Variants in NPNT observed in about 807,000 individuals in gnomAD.
The protein encoded by NPNT is preosteoblast EGF-like repeat protein with MAM domain.
In NPNT, 45 loss-of-function variants were observed where a neutral mutation model predicts 68.6. The ratio of observed to expected loss-of-function variants is 0.66; its 90% CI spans 0.52 to 0.84. The LOEUF (loss-of-function observed/expected upper bound fraction) is 0.84, where lower values mean the gene tolerates loss of function less well. Among genes scored for constraint, NPNT ranks in the 40% least tolerant of loss-of-function variants. The pLI is 0.00. For missense variants in NPNT, 672 were observed against 714.8 expected (o/e 0.94, Z 0.68); for synonymous variants, 233 against 253.3 (o/e 0.92, Z 0.76).
intron 2 of NPNT, chr4:105,912,489 A>G (rs1162810313): frequency 2.1e-6 from 1 of 485,906 alleles, no homozygotes; most frequent in Non-Finnish European, 3.1e-6. Context: ...TATGAATCTA[A>G]TAAATTGACC....
intron 2 of NPNT, among the ~76,000 whole-genome samples, chr4:105,926,071 G>A (rs1341120699): frequency 6.6e-6 from 1 of 152,032 alleles, no homozygotes; most frequent in Admixed American, 6.6e-5. Context: ...CTAAACAGCG[G>A]CTTACTTGCC....
chr4:105,931,753 T>G (rs749826634), intron 3 of NPNT, among the ~76,000 whole-genome samples: 7 of 150,110 alleles, frequency 4.7e-5, no homozygotes, highest in Non-Finnish European at 7.4e-5. Flanking sequence ...GGCAGGAGAA[T>G]GGTGTGAACG....
Position 105,944,430 on chromosome 4 carries a change from A to G in NPNT, c.1159+1728A>G, listed in dbSNP as rs145248427. ...AGATGATACGCTAAATATTTTTTTC[A>G]TTATGATGAAAGAATACATCTTTCT... On this transcript the variant is annotated intron_variant, in intron 8 of 11. Transcript: ENST00000379987. Among the ~76,000 whole-genome samples, 788 of 152,262 alleles carry G rather than the reference A, an allele frequency of 5.2e-3. 9 individuals are homozygous for G. Among genetic ancestry groups the G allele is most frequent in the African/African-American group, 0.018 (747 of 41,558 alleles).
Position 105,970,778 on chromosome 4 carries a change from A to G in NPNT, c.*1788A>G. On this transcript the variant is annotated 3_prime_UTR_variant, in exon 12 of 12. Transcript: ENST00000379987. ...ATAGAATTTCCCAAAAGATGTTTTG[A>G]TCCTACTAGTAGTATGCAGTGAAAA... is the stretch of plus-strand genomic sequence containing the variant. The G allele has an allele frequency of 1.1e-5, 4 of 361,652 alleles. No individual in the cohort carries two copies. Among genetic ancestry groups the G allele is most frequent in the South Asian group, 9.0e-5 (4 of 44,292 alleles). The allele number at this position is 361,652 out of a possible 1,614,324, so 22.4% of individuals were successfully genotyped here. A position where few individuals can be genotyped will look rare whatever the true frequency, so the allele number is the denominator to read the frequency against.
chr4:105,950,601 C>G (rs1222614334), intron 8 of NPNT, among the ~76,000 whole-genome samples: 1 of 152,042 alleles, frequency 6.6e-6, no homozygotes, highest in Non-Finnish European at 1.5e-5. Flanking sequence ...CCACACCCAG[C>G]TAATTTTTTT....
chr4:105,932,591 A>C, intron 3 of NPNT: 1 of 1,513,086 alleles, frequency 6.6e-7, no homozygotes, highest in Non-Finnish European at 8.9e-7. Context: ...GTTGACTCTT[A>C]TTACCTTCTT....
intron 8 of NPNT, among the ~76,000 whole-genome samples, chr4:105,950,385 T>C (rs1730729836): frequency 6.6e-6 from 1 of 152,112 alleles, no homozygotes; most frequent in Non-Finnish European, 1.5e-5. Flanking sequence ...CTAATCCTTA[T>C]GACACATTTA....
intron 8 of NPNT, among the ~76,000 whole-genome samples, chr4:105,948,243 T>A (rs868347373): frequency 5.4e-4 from 82 of 152,184 alleles, no homozygotes; most frequent in African/African-American, 1.9e-3. Flanking sequence ...AGAAAAGGAA[T>A]ATGAAAATAG....
rs1730020454 is a variant in NPNT at position 105,942,146 on chromosome 4, T to C, written c.764-161T>C. Among the ~76,000 whole-genome samples the C allele has an allele frequency of 2.0e-5, 3 of 150,358 alleles. No homozygotes were observed. The South Asian group carries it at 6.3e-4, about 32-fold the overall frequency. ...ATATATATATATATATACACACATA[T>C]ATATTTGTTATTTGGAAAATAGTAT... On this transcript the variant is annotated intron_variant, in intron 7 of 11. Transcript: ENST00000379987.
intron 2 of NPNT, among the ~76,000 whole-genome samples, chr4:105,898,290 T>TTCTCTCTC (rs148494812): frequency 1.7e-4 from 16 of 94,762 alleles, no homozygotes; most frequent in African/African-American, 4.7e-4. Flanking sequence ...CCAGGTTTAT[T>TTCTCTCTC]TCTCTCTCTC....
chr4:105,919,860 T>C (rs181796199), intron 2 of NPNT, among the ~76,000 whole-genome samples: 1 of 152,186 alleles, frequency 6.6e-6, no homozygotes, highest in African/African-American at 2.4e-5. Context: ...TTTTTTTCTT[T>C]GTAATTAGTA....
chr4:105,938,285 G>T lies in NPNT; in HGVS notation c.386-16G>T, dbSNP rs1202532504. On this transcript the variant is annotated splice_polypyrimidine_tract_variant and intron_variant, in intron 4 of 11. Transcript: ENST00000379987. ...GTTTTCTACCTGTCTGAGTCAGCCA[G>T]TCACTCTCTTTCCAGGTGCCCTGAC... The T allele has an allele frequency of 6.2e-7, 1 of 1,610,282 alleles. No homozygotes were observed. Among genetic ancestry groups the T allele is most frequent in the Non-Finnish European group, 8.5e-7 (1 of 1,178,722 alleles).
chr4:105,936,448 T>TTGGAA lies in NPNT; in HGVS notation c.266-558_266-557insAATGG, dbSNP rs1553981320. ...AAAATATAGCCTATGTAGCCTTCCT[T>TTGGAA]TGGGAAGGTCAAAGCAGTCAAATGT... On this transcript the variant is annotated intron_variant, in intron 3 of 11. Transcript: ENST00000379987. Among the ~76,000 whole-genome samples, 321 of 151,892 alleles carry TTGGAA rather than the reference T, an allele frequency of 2.1e-3. 1 individual carries two copies. The highest frequency in any genetic ancestry group is 2.3e-3 in the Non-Finnish European group (156 of 67,926).
chr4:105,898,340 C>CTG (rs1726099414), intron 2 of NPNT, among the ~76,000 whole-genome samples: 1 of 134,396 alleles, frequency 7.4e-6, no homozygotes, highest in Non-Finnish European at 1.6e-5. Flanking sequence ...CTCTCTCTCT[C>CTG]TCTCTCTCTC....
In NPNT at chr4:105,967,168, C is replaced by G; in HGVS notation, c.1346-20C>G. Reference sequence around the variant, plus strand: ...AAGGGATATTGGCACATACACACAGCCCTGCTTTTCCCATTCCAGGTGGAC... The same window carrying G: ...AAGGGATATTGGCACATACACACAGGCCTGCTTTTCCCATTCCAGGTGGAC... On this transcript the variant is annotated intron_variant, in intron 10 of 11. Coordinates refer to ENST00000379987, the MANE Select transcript of NPNT (RefSeq NM_001033047.3). 6.2e-7 allele frequency: 1 copy of G among 1,612,584 alleles called. No homozygotes were observed.
intron 8 of NPNT, among the ~76,000 whole-genome samples, chr4:105,952,971 GC>G (rs1234315109): frequency 1.3e-5 from 2 of 152,130 alleles, no homozygotes; most frequent in Non-Finnish European, 2.9e-5. Flanking sequence ...TTCAAGACCA[GC>G]CTGGCCAACA....
At chr4:105,926,470 C>T (rs192172076) in intron 2 of NPNT, among the ~76,000 whole-genome samples, 14 of 152,098 alleles carry the variant, frequency 9.2e-5, no homozygotes, top group Admixed American at 2.6e-4. Context: ...GCATCCTTGG[C>T]GCCTATCCAC....
chr4:105,924,754 C>T (rs1308538809), intron 2 of NPNT, among the ~76,000 whole-genome samples: 1 of 151,726 alleles, frequency 6.6e-6, no homozygotes, highest in African/African-American at 2.4e-5. Flanking sequence ...CCAAAGGCTA[C>T]AGCCTGGGGG....
Position 105,937,133 on chromosome 4 carries a change from G to A in NPNT, c.385+5G>A, listed in dbSNP as rs1447395822. 3 of 1,612,710 alleles carry A rather than the reference G, an allele frequency of 1.9e-6. No homozygotes were observed. The highest frequency in any genetic ancestry group is 2.5e-6 in the Non-Finnish European group (3 of 1,179,346). On this transcript the variant is annotated splice_donor_5th_base_variant and intron_variant, in intron 4 of 11. Coordinates refer to ENST00000379987, the MANE Select transcript of NPNT (RefSeq NM_001033047.3). ...TGCCGGATGGTTCCTGCTCAAGTAT[G>A]TCAAGAATCTTAACTGTTTTATAAG...
Sources: allele counts gnomAD v4.1 joint callset (sites outside exome capture counted in the v4.1 genomes callset), GRCh38; gene constraint gnomAD v4.1.1; transcripts MANE v1.5; gene names NCBI Gene and HGNC (gene_info 2026-07-23, HGNC 2026-07-21).